MYH14: variants seen among roughly 807,000 people sequenced by gnomAD.
MYH14 encodes myosin-14.
Under a neutral mutation model 255.5 loss-of-function variants are expected in MYH14, and 123 were observed. That is an observed-to-expected ratio of 0.48 (90% CI 0.42 to 0.56). MYH14 has a LOEUF of 0.56. MYH14 is among the 20% of genes least tolerant of loss of function. The pLI is 0.00. For missense variants in MYH14, 2,423 were observed against 2,802.3 expected (o/e 0.86, Z 3.06); for synonymous variants, 1,095 against 1,161.2 (o/e 0.94, Z 1.16).
intron 16 of MYH14, among the ~76,000 whole-genome samples, chr19:50,254,699 A>G (rs1056845167): frequency 5.3e-5 from 8 of 152,236 alleles, no homozygotes; most frequent in Non-Finnish European, 1.2e-4. Flanking sequence ...TGCAAGACAC[A>G]GGCAAAGGGT....
rs930677862 is a variant in MYH14 at position 50,230,127 on chromosome 19, G to A, written c.875-398G>A. On this transcript the variant is annotated intron_variant, in intron 8 of 42. Transcript: ENST00000642316. This position sits in a 1 kb window ranked among gnomAD's most constrained non-coding sequence, Gnocchi z 4.7. ...GGGATTTTGCCATGTTGGCCAGGCT[G>A]GTCTTGAACTCCTGACCTCAGGTGA... is the stretch of plus-strand genomic sequence containing the variant. 2.0e-5 allele frequency among the ~76,000 whole-genome samples: 3 copies of A among 152,184 alleles called. No individual in the cohort carries two copies. The highest frequency in any genetic ancestry group is 7.2e-5 in the African/African-American group (3 of 41,446).
intron 27 of MYH14, among the ~76,000 whole-genome samples, chr19:50,273,711 G>A (rs545939281): frequency 8.2e-4 from 124 of 151,548 alleles, no homozygotes; most frequent in African/African-American, 2.7e-3. Flanking sequence ...GTGTGATTTC[G>A]GCTCACTGCA....
chr19:50,255,439 T>G, intron 17 of MYH14, 121 bp downstream of exon 17: 1 of 736,674 alleles, frequency 1.4e-6, no homozygotes, highest in Non-Finnish European at 2.3e-6. Context: ...TCTCTCACTC[T>G]TCCTTTCCCT....
chr19:50,234,701 T>G (rs1188341654), intron 10 of MYH14, among the ~76,000 whole-genome samples: 1 of 152,118 alleles, frequency 6.6e-6, no homozygotes, highest in Non-Finnish European at 1.5e-5. Context: ...GCCTGTCCTC[T>G]TAGGTCCTGC....
chr19:50,208,938 G>A (rs2031992887), intron 1 of MYH14, among the ~76,000 whole-genome samples: 1 of 152,104 alleles, frequency 6.6e-6, no homozygotes, highest in South Asian at 2.1e-4. Context: ...AGGATCGCTT[G>A]AGCCCAGGAG....
intron 25 of MYH14, 89 bp from the exon 26 acceptor site, chr19:50,271,760 T>C: frequency 6.4e-7 from 1 of 1,569,320 alleles, no homozygotes; most frequent in Non-Finnish European, 8.7e-7. Context: ...GAAACATAGA[T>C]GAGAACAACA....
At position 50,286,551 on chromosome 19, in the gene MYH14, C is replaced by G; in HGVS notation, c.4609C>G (p.Arg1537Gly). 6.2e-7 allele frequency: 1 copy of G among 1,612,948 alleles called. No individual in the cohort carries two copies. Among genetic ancestry groups the G allele is most frequent in the Non-Finnish European group, 8.5e-7 (1 of 1,179,582 alleles). Residue 1537 changes from arginine to glycine, a missense_variant, in exon 34 of 43, where the codon CGG becomes GGG. By Grantham distance (125) the Arg-to-Gly change is moderately radical (BLOSUM62 -2). Transcript: ENST00000642316. ...ACGTGAGCGGGCCGAGGCAGAGGGC[C>G]GGGAGCGTGAGGCTCGGGCCCTGTC... Reference protein sequence around the residue: ...EERERAEAEGREREARALSLT... With the variant: ...EERERAEAEGGEREARALSLT...
chr19:50,304,908 G>C (rs2036606604), intron 40 of MYH14, among the ~76,000 whole-genome samples: 1 of 152,182 alleles, frequency 6.6e-6, no homozygotes. Context: ...TCAGTTGGCA[G>C]CTTTGTGGGA....
rs1384703414 is a variant in MYH14 at position 50,263,378 on chromosome 19, C to T, written c.2652C>T (p.Tyr884=). 1.9e-6 allele frequency: 3 copies of T among 1,604,266 alleles called. No individual in the cohort carries two copies. Among genetic ancestry groups the T allele is most frequent in the East Asian group, 2.3e-5 (1 of 44,406 alleles). Residue 884 remains tyrosine (Y), a synonymous_variant, in exon 22 of 43, where the codon TAC becomes TAT. Coordinates refer to ENST00000642316, the MANE Select transcript of MYH14 (RefSeq NM_001145809.2). ...LRVMQRNCAA[Y]LKLRHWQWWR... is the part of the protein sequence containing the mutation. ...TGATGCAGCGGAACTGCGCGGCCTA[C>T]CTCAAGCTGAGACACTGGCAGTGGT...
intron 1 of MYH14, among the ~76,000 whole-genome samples, chr19:50,209,788 A>T (rs1414780943): frequency 2.0e-5 from 3 of 147,938 alleles, no homozygotes; most frequent in Non-Finnish European, 4.5e-5. Flanking sequence ...CATCTCAAAA[A>T]AAAAAAAAAA....
chr19:50,241,514 C>T (rs1568489374), intron 10 of MYH14, among the ~76,000 whole-genome samples: 1 of 152,156 alleles, frequency 6.6e-6, no homozygotes, highest in Non-Finnish European at 1.5e-5. Context: ...AAACACCACA[C>T]ACAGCTCTGC....
At chr19:50,299,432 G>A (rs964352114) in intron 39 of MYH14, among the ~76,000 whole-genome samples, 13 of 151,272 alleles carry the variant, frequency 8.6e-5, no homozygotes, top group African/African-American at 2.7e-4. Flanking sequence ...TGAGCCGGAC[G>A]TGGTGGTGTG....
chr19:50,289,452 G>T lies in MYH14; in HGVS notation c.4769G>T (p.Arg1590Leu). Residue 1590 changes from arginine to leucine, a missense_variant, in exon 35 of 43, where the codon CGA (arginine) becomes CTA (leucine). Arg to Leu is a moderately radical substitution (Grantham distance 102). Around this residue, in one of 3 missense-constraint regions of MYH14, gnomAD observed 1,513 missense variants for 1,674.8 expected, o/e 0.90. Coordinates refer to ENST00000642316, the MANE Select transcript of MYH14 (RefSeq NM_001145809.2). ...CCCCACCAGGTGCATGAGCTGGAACGAGCCTGCCGGGTAGCAGAACAGGCA... is the reference window on the plus strand; with the variant it reads ...CCCCACCAGGTGCATGAGCTGGAACTAGCCTGCCGGGTAGCAGAACAGGCA... ...DVGKSVHELE[R>L]ACRVAEQAAN... 1.9e-6 allele frequency: 3 copies of T among 1,609,988 alleles called. No individual in the cohort carries two copies. The highest frequency in any genetic ancestry group is 2.5e-6 in the Non-Finnish European group (3 of 1,178,456).
chr19:50,271,337 C>A, intron 24 of MYH14, 72 bp from the exon 25 acceptor site: 1 of 1,511,346 alleles, frequency 6.6e-7, no homozygotes, highest in Non-Finnish European at 9.0e-7. Context: ...CAGCCATCCC[C>A]GCTCCCATCC....
intron 16 of MYH14, among the ~76,000 whole-genome samples, chr19:50,253,683 G>T (rs1043806713): frequency 9.9e-5 from 15 of 152,242 alleles, no homozygotes; most frequent in Middle Eastern, 3.4e-3. Flanking sequence ...ACTTCTAGGG[G>T]TCATAGGCAG....
chr19:50,226,327 C>T (rs2033097468), intron 7 of MYH14, among the ~76,000 whole-genome samples: 1 of 32,032 alleles, frequency 3.1e-5, no homozygotes, highest in Admixed American at 2.2e-4. Context: ...ACCCCTGGGT[C>T]TGAGGGAGGA....
intron 23 of MYH14, 76 bp downstream of exon 23, chr19:50,267,084 G>A (rs2035114050): frequency 7.3e-7 from 1 of 1,378,780 alleles, no homozygotes; most frequent in Non-Finnish European, 9.8e-7. Flanking sequence ...CCAGGTGTGA[G>A]GGGCGGGGCT....
Position 50,280,360 on chromosome 19 carries a change from G to T in MYH14, c.4267G>T (p.Glu1423Ter). Reference sequence around the variant, plus strand: ...AGCTGCCAGGGAACGGGCGGGCCGTGAACTGCAGACTGCCCAGGCCCAGGT... The same window carrying T: ...AGCTGCCAGGGAACGGGCGGGCCGTTAACTGCAGACTGCCCAGGCCCAGGT... The part of the protein sequence containing the change: ...EAAARERAGR[E>*]LQTAQAQLSE... Residue 1423 changes from glutamate (E) to a stop codon, truncating the protein, a stop_gained, in exon 32 of 43, where the codon GAA (glutamate) becomes TAA (stop). Transcript: ENST00000642316. LOFTEE classifies it high-confidence loss of function. This position sits in a 1 kb window ranked among gnomAD's most constrained non-coding sequence, Gnocchi z 4.8. The T allele has an allele frequency of 6.5e-7, 1 of 1,545,484 alleles. No individual in the cohort carries two copies. The highest frequency in any genetic ancestry group is 8.7e-7 in the Non-Finnish European group (1 of 1,144,108).
In MYH14 at chr19:50,230,957, A is replaced by T; in HGVS notation, c.973+334A>T. ...CGGCTTCTCCTCACTCCGGCGGGTGACTCCGGCTTTGCTGAGGCTCCTCCT... is the reference window on the plus strand; with the variant it reads ...CGGCTTCTCCTCACTCCGGCGGGTGTCTCCGGCTTTGCTGAGGCTCCTCCT... On this transcript the variant is annotated intron_variant, in intron 9 of 42. Coordinates refer to ENST00000642316, the MANE Select transcript of MYH14 (RefSeq NM_001145809.2). This position sits in a 1 kb window ranked among gnomAD's most constrained non-coding sequence, Gnocchi z 4.7. 3.4e-6 allele frequency: 1 copy of T among 294,456 alleles called. No homozygotes were observed. The highest frequency in any genetic ancestry group is 4.4e-5 in the South Asian group (1 of 22,604). The allele number at this position is 294,456 out of a possible 1,614,324, so 18.2% of individuals were successfully genotyped here. A position where few individuals can be genotyped will look rare whatever the true frequency, so the allele number is the denominator to read the frequency against.
Sources: allele counts gnomAD v4.1 joint callset (sites outside exome capture counted in the v4.1 genomes callset), GRCh38; gene constraint gnomAD v4.1.1; regional missense constraint gnomAD v4.1.1; non-coding constraint Gnocchi (gnomAD v3.1); transcripts MANE v1.5; gene names NCBI Gene and HGNC (gene_info 2026-07-23, HGNC 2026-07-21).